Variants in GLIS3 observed in about 807,000 individuals in gnomAD.
GLIS3 encodes GLIS family zinc finger 3, also known as zinc finger protein GLIS3.
Under a neutral mutation model 78.6 loss-of-function variants are expected in GLIS3, and 53 were observed. The observed-to-expected ratio is 0.67, with a 90% CI of 0.54 to 0.85. The LOEUF is 0.85. Among genes scored for constraint, GLIS3 ranks in the 40% least tolerant of loss-of-function variants. The pLI is 0.00. For missense variants in GLIS3, 1,703 were observed against 1,231.1 expected (o/e 1.38, Z -5.74); for synonymous variants, 684 against 509.9 (o/e 1.34, Z -4.60).
chr9:4,381,616 G>C, the GLIS3 span, among the ~76,000 whole-genome samples: 95 of 151,300 alleles, frequency 6.3e-4, no homozygotes, highest in African/African-American at 2.2e-3. Flanking sequence ...TCCAACTGGG[G>C]CATGCCTGTT....
intron 4 of GLIS3, among the ~76,000 whole-genome samples, chr9:4,102,699 A>G (rs1242013958): frequency 6.6e-6 from 1 of 152,224 alleles, no homozygotes; most frequent in Admixed American, 6.5e-5. Context: ...CTTACTAGAG[A>G]ATATAAATAT....
intron 4 of GLIS3, among the ~76,000 whole-genome samples, chr9:4,080,152 G>A (rs142734790): frequency 6.6e-6 from 1 of 152,298 alleles, no homozygotes; most frequent in African/African-American, 2.4e-5. Context: ...CGTGTGCTGT[G>A]GTTCCTATAC....
chr9:4,182,722 C>T (rs908917989), intron 2 of GLIS3, among the ~76,000 whole-genome samples: 3 of 152,112 alleles, frequency 2.0e-5, no homozygotes, highest in African/African-American at 7.2e-5. Context: ...AGATCATTGG[C>T]GACTATCTTG....
At chr9:4,258,958 T>A (rs962195978) in intron 2 of GLIS3, among the ~76,000 whole-genome samples, 4 of 152,128 alleles carry the variant, frequency 2.6e-5, no homozygotes, top group African/African-American at 9.7e-5. Context: ...GACTTTACTA[T>A]CACAAAGCCC....
intron 2 of GLIS3, among the ~76,000 whole-genome samples, chr9:4,127,060 G>GC (rs1427371983): frequency 2.6e-5 from 4 of 151,998 alleles, no homozygotes; most frequent in Non-Finnish European, 5.9e-5. Flanking sequence ...CTTCCCAAGA[G>GC]CCCCCCAAAA....
At chr9:4,185,777 A>T (rs1817731868) in intron 2 of GLIS3, among the ~76,000 whole-genome samples, 1 of 152,140 alleles carries the variant, frequency 6.6e-6, no homozygotes, top group African/African-American at 2.4e-5. Flanking sequence ...TATAGGAATG[A>T]ATCGCCCTCC....
rs577675400 is a variant in GLIS3 at position 4,017,262 on chromosome 9, A to T, written c.1711-80073T>A. On this transcript the variant is annotated intron_variant, in intron 4 of 10. Transcript: ENST00000381971. ...GGTTTAGTTCTAGACAAATAACTAT[A>T]ATTAGTCAGAGTGGTTTAACTGTTC... is the stretch of plus-strand genomic sequence containing the variant. 1.6e-4 allele frequency among the ~76,000 whole-genome samples: 25 copies of T among 152,248 alleles called. No homozygotes were observed. The East Asian group carries it at 4.4e-3, about 27-fold the overall frequency.
intron 1 of GLIS3, among the ~76,000 whole-genome samples, chr9:4,288,330 G>A (rs533759443): frequency 4.6e-5 from 7 of 151,840 alleles, no homozygotes; most frequent in African/African-American, 9.7e-5. Context: ...CCCACCCCCC[G>A]CCAAAAAAAG....
the GLIS3 span, among the ~76,000 whole-genome samples, chr9:4,382,477 G>A: frequency 6.6e-6 from 1 of 152,152 alleles, no homozygotes; most frequent in African/African-American, 2.4e-5. Flanking sequence ...CTTCCTGGAA[G>A]CCTCTCTGAT....
chr9:4,384,110 G>A, the GLIS3 span, among the ~76,000 whole-genome samples: 1 of 152,196 alleles, frequency 6.6e-6, no homozygotes, highest in African/African-American at 2.4e-5. Flanking sequence ...GCCTTTGGGG[G>A]TTAACCAGTT....
At chr9:4,253,927 T>C (rs752012412) in intron 2 of GLIS3, among the ~76,000 whole-genome samples, 1 of 152,130 alleles carries the variant, frequency 6.6e-6, no homozygotes, top group East Asian at 1.9e-4. Flanking sequence ...TCTCCCTCCA[T>C]GGGCTGCACT....
chr9:4,482,387 A>G, the GLIS3 span, among the ~76,000 whole-genome samples: 1 of 152,210 alleles, frequency 6.6e-6, no homozygotes, highest in East Asian at 1.9e-4. Flanking sequence ...TTCAATTTAT[A>G]GTTCCAAGAT....
At chr9:4,133,871 C>CAG (rs1564098534) in intron 2 of GLIS3, among the ~76,000 whole-genome samples, 1 of 138,008 alleles carries the variant, frequency 7.2e-6, no homozygotes, top group Non-Finnish European at 1.6e-5. Context: ...CACACACACA[C>CAG]ACACCGTACA....
At chr9:4,434,376 G>C in the GLIS3 span, among the ~76,000 whole-genome samples, 1 of 152,160 alleles carries the variant, frequency 6.6e-6, no homozygotes, top group East Asian at 1.9e-4. Context: ...CCAGGTCAAA[G>C]TGGTACGTAA....
At chr9:4,372,462 C>CCA in the GLIS3 span, among the ~76,000 whole-genome samples, 3 of 151,326 alleles carry the variant, frequency 2.0e-5, no homozygotes, top group South Asian at 2.1e-4. Flanking sequence ...AACATGCAAA[C>CCA]CAACCAGTCC....
intron 2 of GLIS3, among the ~76,000 whole-genome samples, chr9:4,140,760 G>A (rs1408103037): frequency 6.6e-6 from 1 of 150,808 alleles, no homozygotes; most frequent in Non-Finnish European, 1.5e-5. Flanking sequence ...CTCAAGAGAG[G>A]TTATTATAAA....
chr9:4,125,721 G>C lies in GLIS3; in HGVS notation c.596+13C>G. On this transcript the variant is annotated intron_variant, in intron 3 of 10. Coordinates refer to ENST00000381971, the MANE Select transcript of GLIS3 (RefSeq NM_001042413.2). ...TACCATAAAGAAAGGGGAAAAAAAA[G>C]TTAACTTGAGACCTGGTATCTGAAG... The C allele has an allele frequency of 6.2e-7, 1 of 1,608,800 alleles. No individual in the cohort carries two copies. The highest frequency in any genetic ancestry group is 8.5e-7 in the Non-Finnish European group (1 of 1,176,640).
At chr9:4,472,633 G>A in the GLIS3 span, among the ~76,000 whole-genome samples, 15 of 151,930 alleles carry the variant, frequency 9.9e-5, no homozygotes, top group Non-Finnish European at 2.1e-4. Context: ...GGGAGGGATA[G>A]CATTAGGAGA....
intron 4 of GLIS3, among the ~76,000 whole-genome samples, chr9:3,956,028 C>CAA (rs5896037): frequency 1.1e-3 from 99 of 87,532 alleles, no homozygotes; most frequent in African/African-American, 2.5e-3. Context: ...CCAGATTCAG[C>CAA]AAAAAAAAAA....
Sources: gnomAD v4.1 joint callset for allele counts (sites outside exome capture counted in the v4.1 genomes callset) on GRCh38, gnomAD v4.1.1 for gene constraint, MANE v1.5 for transcripts, NCBI Gene and HGNC (gene_info 2026-07-23, HGNC 2026-07-21) for gene names.